TMEM63A: variants seen among roughly 807,000 people sequenced by gnomAD.
TMEM63A encodes the protein transmembrane protein 63A, also known as mechanosensitive cation channel TMEM63A.
A neutral mutation model predicts 100.6 loss-of-function variants in TMEM63A; 76 were observed. That is an observed-to-expected ratio of 0.76 (90% CI 0.63 to 0.91). The LOEUF (loss-of-function observed/expected upper bound fraction) is 0.91, where lower values mean the gene tolerates loss of function less well. Ranked by LOEUF, TMEM63A falls within the 40% of genes least tolerant of loss-of-function variation. The pLI is 0.00. For synonymous variants in TMEM63A, 401 were observed against 401.1 expected, an observed-to-expected ratio of 1.00 and a Z score of 0.00; for missense variants, 876 against 1,008.8, an observed-to-expected ratio of 0.87 and a Z score of 1.78.
rs780129349 is a variant in TMEM63A, at chr1:225,856,638, G to T, written c.1571+14C>A. On this transcript the variant is annotated intron_variant, in intron 17 of 24. Coordinates refer to ENST00000366835, the MANE Select transcript of TMEM63A (RefSeq NM_014698.3). ...TCTTATTCTGAATTTAGAGCAGAAGGTGGTGGCATATACCTGGTGAGACCC... is the reference window on the plus strand; with the variant it reads ...TCTTATTCTGAATTTAGAGCAGAAGTTGGTGGCATATACCTGGTGAGACCC... The T allele has an allele frequency of 2.3e-5, 37 of 1,612,760 alleles. No homozygotes were observed. Among genetic ancestry groups the T allele is most frequent in the African/African-American group, 4.0e-5 (3 of 74,844 alleles).
At chr1:225,851,735 A>C (rs1669351326) in intron 20 of TMEM63A, among the ~76,000 whole-genome samples, 2 of 152,264 alleles carry the variant, frequency 1.3e-5, no homozygotes, top group Admixed American at 6.5e-5. Flanking sequence ...TTAAAACTAC[A>C]CAAGAAAGTA....
chr1:225,866,112 C>G, intron 9 of TMEM63A, 145 bp from the exon 10 acceptor site: 1 of 780,182 alleles, frequency 1.3e-6, no homozygotes, highest in East Asian at 2.7e-5. Context: ...GCCGGGGGAG[C>G]CCCCAAAGCA....
At position 225,862,745 on chromosome 1, in the gene TMEM63A, T is replaced by C; in HGVS notation, c.827+26A>G. 1 of 1,613,718 alleles carries C rather than the reference T, an allele frequency of 6.2e-7. No individual in the cohort carries two copies. Among genetic ancestry groups the C allele is most frequent in the Non-Finnish European group, 8.5e-7 (1 of 1,179,902 alleles). Reference sequence around the variant, plus strand: ...GAGGCCAGCAAGGAAGGAGGGGGCATCTTGCAAGGCCCGCCCACCACTCAC... The same window carrying C: ...GAGGCCAGCAAGGAAGGAGGGGGCACCTTGCAAGGCCCGCCCACCACTCAC... On this transcript the variant is annotated intron_variant, in intron 11 of 24. Transcript: ENST00000366835. This position sits in a 1 kb window ranked among gnomAD's most constrained non-coding sequence, Gnocchi z 5.1.
intron 2 of TMEM63A, among the ~76,000 whole-genome samples, chr1:225,878,719 G>A (rs959816499): frequency 6.6e-6 from 1 of 152,170 alleles, no homozygotes; most frequent in Non-Finnish European, 1.5e-5. Context: ...GGTGCTTCTA[G>A]CTGTTACAGG....
At chr1:225,866,540 C>T (rs771108590) in intron 9 of TMEM63A, 34 bp downstream of exon 9, 3 of 1,599,870 alleles carry the variant, frequency 1.9e-6, no homozygotes, top group Admixed American at 3.4e-5. Context: ...CTGAGTCCCT[C>T]CCAGCACATG....
chr1:225,845,064 C>T, downstream of TMEM63A: 3 of 1,467,534 alleles, frequency 2.0e-6, no homozygotes, highest in Non-Finnish European at 2.9e-6. Flanking sequence ...ATCTCACCCC[C>T]AGGCGCTTTA....
rs1670157523 is a variant in TMEM63A, at chr1:225,865,511, A to C, written c.746+386T>G. The C allele has an allele frequency of 5.6e-6, 1 of 177,526 alleles. No homozygotes were observed. The highest frequency in any genetic ancestry group is 2.3e-5 in the African/African-American group (1 of 42,860). The allele number at this position is 177,526 out of a possible 1,614,324, so 11.0% of individuals were successfully genotyped here. A position where few individuals can be genotyped will look rare whatever the true frequency, so the allele number is the denominator to read the frequency against. On this transcript the variant is annotated intron_variant, in intron 10 of 24. Transcript: ENST00000366835. The surrounding 1 kb of genome is among the most constrained non-coding windows in gnomAD (Gnocchi z 4.6). Reference sequence around the variant, plus strand: ...GAGGTCCTTCCACCTGTGAGACCCTAGCCCTGTGGGTCCATACAAATGCTC... The same window carrying C: ...GAGGTCCTTCCACCTGTGAGACCCTCGCCCTGTGGGTCCATACAAATGCTC...
intron 2 of TMEM63A, among the ~76,000 whole-genome samples, chr1:225,878,885 T>TACCTACCTACAC (rs1491107467): frequency 2.0e-3 from 281 of 139,564 alleles, no homozygotes; most frequent in African/African-American, 7.1e-3. Flanking sequence ...CCTACCTACC[T>TACCTACCTACAC]ACACACACAC....
In TMEM63A at chr1:225,871,212, G is replaced by A. The variant is rs942393437; in HGVS notation, c.334-99C>T. 5 of 1,285,048 alleles carry A rather than the reference G, an allele frequency of 3.9e-6. No individual in the cohort carries two copies. In the African/African-American group the frequency reaches 5.9e-5, roughly 15 times the overall value. 79.6% of individuals were successfully genotyped at this position (1,285,048 alleles called of 1,614,324 possible). ...ACATTAAATAACCATTTAACCTCCT[G>A]TTGTATAAAAAACAGTGCTTTTATC... On this transcript the variant is annotated intron_variant, in intron 5 of 24. Coordinates refer to ENST00000366835, the MANE Select transcript of TMEM63A (RefSeq NM_014698.3).
At chr1:225,849,810 A>G (rs2102815568) in intron 21 of TMEM63A, 102 bp downstream of exon 21, 1 of 1,429,264 alleles carries the variant, frequency 7.0e-7, no homozygotes, top group Non-Finnish European at 9.5e-7. Context: ...TTCTGACTGG[A>G]TGCCATGCTG....
intron 10 of TMEM63A, chr1:225,864,197 A>G (rs1006777559): frequency 6.6e-6 from 1 of 152,210 alleles, no homozygotes; most frequent in Non-Finnish European, 1.5e-5. Context: ...AAAATTATAC[A>G]TACAATTCCA....
rs1258133211 is a variant in TMEM63A at position 225,862,346 on chromosome 1, G to A, written c.957C>T (p.Asp319=). Residue 319 remains aspartate, a synonymous_variant, in exon 13 of 25, where the codon GAC becomes GAT. Transcript: ENST00000366835. The surrounding 1 kb of genome is among the most constrained non-coding windows in gnomAD (Gnocchi z 5.1). ...TCATCCGTGTGTAGTAAGAGATGGC[G>A]TCTTCCTGCCACAAGACACATCCCA... is the stretch of plus-strand genomic sequence containing the variant. ...CCEVLGCEWE[D]AISYYTRMKD... 18 of 1,614,020 alleles carry A rather than the reference G, an allele frequency of 1.1e-5. No individual in the cohort carries two copies. The highest frequency in any genetic ancestry group is 1.4e-5 in the Non-Finnish European group (17 of 1,180,026).
chr1:225,877,346 T>C (rs1670856081), intron 3 of TMEM63A, 49 bp downstream of exon 3: 4 of 1,565,456 alleles, frequency 2.6e-6, no homozygotes, highest in African/African-American at 2.7e-5. Flanking sequence ...GGGTGGGGCA[T>C]TTAAACAAAT....
chr1:225,879,992 GGAGA>G (rs917218066), intron 1 of TMEM63A, among the ~76,000 whole-genome samples: 1 of 151,740 alleles, frequency 6.6e-6, no homozygotes, highest in African/African-American at 2.4e-5. Context: ...GTGCTGCAGA[GGAGA>G]GAGGCCTCTG....
chr1:225,876,491 GGGCACT>G (rs1670809880), intron 3 of TMEM63A, among the ~76,000 whole-genome samples: 1 of 152,116 alleles, frequency 6.6e-6, no homozygotes, highest in African/African-American at 2.4e-5. Context: ...TGAAAAGAAG[GGGCACT>G]TTAACCCCAA....
At chr1:225,870,352 G>GGA (rs1670445569) in intron 6 of TMEM63A, among the ~76,000 whole-genome samples, 1 of 141,016 alleles carries the variant, frequency 7.1e-6, no homozygotes, top group Non-Finnish European at 1.5e-5. Flanking sequence ...AACTCGGTCT[G>GGA]AAAAAAAAAA....
downstream of TMEM63A, among the ~76,000 whole-genome samples, chr1:225,841,625 A>C (rs1576037239): frequency 1.0e-5 from 1 of 95,732 alleles, no homozygotes; most frequent in African/African-American, 4.2e-5. Flanking sequence ...TTTTTGAGAC[A>C]GAGTCTTGCT....
rs982790585 is a variant in TMEM63A at position 225,850,151 on chromosome 1, G to A, written c.1904-72C>T. ...GACACCTCTGTCCTCTTCCTCTCCG[G>A]GGCGGCTATTTTGGCAAGGAGCCAG... On this transcript the variant is annotated intron_variant, in intron 20 of 24. Coordinates refer to ENST00000366835, the MANE Select transcript of TMEM63A (RefSeq NM_014698.3). 3.2e-6 allele frequency: 5 copies of A among 1,558,904 alleles called. No individual in the cohort carries two copies. In the African/African-American group the frequency reaches 4.1e-5, roughly 13 times the overall value.
At chr1:225,855,125 A>C (rs1412348412) in intron 18 of TMEM63A, among the ~76,000 whole-genome samples, 1 of 152,192 alleles carries the variant, frequency 6.6e-6, no homozygotes, top group Non-Finnish European at 1.5e-5. Flanking sequence ...AACTCGCCCC[A>C]TCCTTACAGG....
Sources: gnomAD v4.1 joint callset for allele counts (sites outside exome capture counted in the v4.1 genomes callset) on GRCh38, gnomAD v4.1.1 for gene constraint, Gnocchi (gnomAD v3.1) non-coding constraint, MANE v1.5 for transcripts, NCBI Gene and HGNC (gene_info 2026-07-23, HGNC 2026-07-21) for gene names.